The following TRMT9B variants were observed in gnomAD, a reference collection of about 807,000 sequenced individuals.
The protein encoded by TRMT9B is tRNA methyltransferase 9B (putative), also known as probable tRNA methyltransferase 9B.
In TRMT9B, 16 loss-of-function variants were observed where a neutral mutation model predicts 11.5. The observed-to-expected ratio is 1.39, with a 90% CI of 0.94 to 2.11. The LOEUF (loss-of-function observed/expected upper bound fraction) is 2.11. TRMT9B is among the 30% of genes most tolerant of loss of function. TRMT9B has a pLI of 0.00. For missense variants in TRMT9B, 941 were observed against 553.8 expected (o/e 1.70, Z -7.02); for synonymous variants, 274 against 192.4 (o/e 1.42, Z -3.51).
At chr8:12,990,792 A>G in intron 1 of TRMT9B, 42 bp from the exon 2 acceptor site, 1 of 1,245,250 alleles carries the variant, frequency 8.0e-7, no homozygotes, top group Non-Finnish European at 1.1e-6. Context: ...CCATATACAT[A>G]CCATGTGAAA....
intron 2 of TRMT9B, among the ~76,000 whole-genome samples, chr8:13,005,673 G>A (rs4557702): frequency 0.32 from 48,573 of 152,140 alleles, 8,437 homozygotes; most frequent in Middle Eastern, 0.52. Context: ...TGAATGGCAA[G>A]AGAACCGTTT....
intron 3 of TRMT9B, chr8:13,011,383 A>C: frequency 2.0e-6 from 2 of 985,326 alleles, no homozygotes; most frequent in Non-Finnish European, 2.4e-6. Context: ...GAAAGTGCCT[A>C]GTAAGGAGGG....
At chr8:12,955,543 G>T (rs1801186061) in intron 1 of TRMT9B, among the ~76,000 whole-genome samples, 1 of 152,144 alleles carries the variant, frequency 6.6e-6, no homozygotes, top group Non-Finnish European at 1.5e-5. Context: ...GGGTAGTCCT[G>T]CAAGGTGCAG....
intron 4 of TRMT9B, 114 bp downstream of exon 4, chr8:13,012,971 T>C: frequency 3.2e-6 from 4 of 1,265,958 alleles, no homozygotes; most frequent in South Asian, 2.4e-5. Context: ...TAATTTATTT[T>C]ATCTAATTTA....
At chr8:13,015,989 A>G (rs1409480858) in intron 4 of TRMT9B, among the ~76,000 whole-genome samples, 1 of 151,360 alleles carries the variant, frequency 6.6e-6, no homozygotes, top group Non-Finnish European at 1.5e-5. Context: ...GGGCACCTGA[A>G]TTCCCAGCTA....
intron 1 of TRMT9B, among the ~76,000 whole-genome samples, chr8:12,978,509 ATAGATAG>A (rs1272609739): frequency 8.6e-5 from 1 of 11,656 alleles, no homozygotes; most frequent in Non-Finnish European, 1.9e-4. Context: ...TAGACAGATG[ATAGATAG>A]ATGATAGATA....
rs34841222 is a variant in TRMT9B, at chr8:13,028,697, TC to T, written c.*6655del. ...TTTAAGCAATTCTCGTGCCTCAGCC[TC>T]CTGAATAGCTGGGATTACAGGAACA... On this transcript the variant is annotated 3_prime_UTR_variant, in exon 5 of 5. Transcript: ENST00000524591. The T allele has an allele frequency of 6.6e-6, 1 of 150,782 alleles. No individual in the cohort carries two copies. Among genetic ancestry groups the T allele is most frequent in the Non-Finnish European group, 1.5e-5 (1 of 67,618 alleles). 9.3% of individuals were successfully genotyped at this position (150,782 alleles called of 1,614,324 possible). A position where few individuals can be genotyped will look rare whatever the true frequency, so the allele number is the denominator to read the frequency against.
In TRMT9B at chr8:13,020,995, T is replaced by A. The variant is rs115406943; in HGVS notation, c.329-13T>A. 4.6e-6 allele frequency: 7 copies of A among 1,507,322 alleles called. No homozygotes were observed. Among genetic ancestry groups the A allele is most frequent in the Non-Finnish European group, 6.2e-6 (7 of 1,122,834 alleles). 93.4% of individuals were successfully genotyped at this position (1,507,322 alleles called of 1,614,324 possible). ...TGTGCATACACACTGAGATCTAGTT[T>A]TGTCTTTTTCAGTCATACATCATTT... On this transcript the variant is annotated splice_polypyrimidine_tract_variant and intron_variant, in intron 4 of 4. Coordinates refer to ENST00000524591, the MANE Select transcript of TRMT9B (RefSeq NM_020844.3).
At chr8:12,962,110 G>T (rs1802197732) in intron 1 of TRMT9B, 1 of 152,340 alleles carries the variant, frequency 6.6e-6, no homozygotes, top group Non-Finnish European at 1.5e-5. Context: ...ACATGGACTG[G>T]ATTCTCCATG....
intron 1 of TRMT9B, among the ~76,000 whole-genome samples, chr8:12,954,495 C>G (rs1051403162): frequency 2.6e-5 from 4 of 152,170 alleles, no homozygotes; most frequent in African/African-American, 9.7e-5. Flanking sequence ...TGTTTTTAAA[C>G]AGGAATTGAG....
Position 13,025,531 on chromosome 8 carries a change from CTT to C in TRMT9B, c.*3489_*3490del, listed in dbSNP as rs1814592648. On this transcript the variant is annotated 3_prime_UTR_variant, in exon 5 of 5. Transcript: ENST00000524591. ...AAACTCCATCTCCAACAAAACAAAA[CTT>C]TGCTGGCTTCCTGATGCCTCACTGT... 6.0e-6 allele frequency: 1 copy of C among 166,878 alleles called. No individual in the cohort carries two copies. The highest frequency in any genetic ancestry group is 1.5e-5 in the Non-Finnish European group (1 of 68,182). 10.3% of individuals were successfully genotyped at this position (166,878 alleles called of 1,614,324 possible).
At chr8:12,946,858 C>T (rs1407633961) in intron 1 of TRMT9B, among the ~76,000 whole-genome samples, 1 of 152,146 alleles carries the variant, frequency 6.6e-6, no homozygotes, top group African/African-American at 2.4e-5. Flanking sequence ...CCATCCTATT[C>T]CCAATGCCAG....
At chr8:13,001,921 C>A (rs943313618) in intron 2 of TRMT9B, among the ~76,000 whole-genome samples, 1 of 152,108 alleles carries the variant, frequency 6.6e-6, no homozygotes, top group African/African-American at 2.4e-5. Context: ...TGTTTTAGTA[C>A]TAGTCTTATT....
chr8:12,973,281 G>T lies in TRMT9B; in HGVS notation c.-199-17553G>T, dbSNP rs963396426. 3.9e-5 allele frequency among the ~76,000 whole-genome samples: 6 copies of T among 152,192 alleles called. No individual in the cohort carries two copies. In the South Asian group the frequency reaches 6.2e-4, roughly 16 times the overall value. ...GGAAGATTTTTTTTGGCATGCTCTG[G>T]GTGCCCCTTCCCTTGCCAGCACATG... On this transcript the variant is annotated intron_variant, in intron 1 of 4. Coordinates refer to ENST00000524591, the MANE Select transcript of TRMT9B (RefSeq NM_020844.3).
At chr8:12,952,505 A>G (rs4487769) in intron 1 of TRMT9B, 2,752 of 227,384 alleles carry the variant, frequency 0.012, 91 homozygotes, top group African/African-American at 0.061. Context: ...TGGATAAATC[A>G]GAATTCAGAG....
intron 1 of TRMT9B, chr8:12,951,395 G>A (rs1165046950): frequency 1.3e-5 from 2 of 152,358 alleles, no homozygotes; most frequent in East Asian, 3.9e-4. Context: ...CTGCGCTGAT[G>A]CGCTGCGGGC....
Position 13,021,447 on chromosome 8 carries a change from G to A in TRMT9B, c.768G>A (p.Leu256=). 1 of 1,614,002 alleles carries A rather than the reference G, an allele frequency of 6.2e-7. No individual in the cohort carries two copies. The highest frequency in any genetic ancestry group is 8.5e-7 in the Non-Finnish European group (1 of 1,179,900). The change falls in exon 5 of 5, where the codon TTG becomes TTA. Residue 256 remains leucine, a synonymous_variant. Coordinates refer to ENST00000524591, the MANE Select transcript of TRMT9B (RefSeq NM_020844.3). ...SFRSWFFSRS[L]DESTLRKQIE... ...GTTCCTGGTTTTTCTCCAGATCTTT[G>A]GATGAATCGACTCTGAGGAAGCAAA...
At chr8:12,968,144 C>G (rs796381449) in intron 1 of TRMT9B, among the ~76,000 whole-genome samples, 24 of 152,346 alleles carry the variant, frequency 1.6e-4, no homozygotes, top group African/African-American at 5.3e-4. Context: ...CTCGATCTCT[C>G]TAAGTGCTGG....
At chr8:13,010,738 G>C (rs1435002010) in intron 3 of TRMT9B, 5 of 984,098 alleles carry the variant, frequency 5.1e-6, no homozygotes, top group Non-Finnish European at 6.0e-6. Flanking sequence ...AGTATCCCTC[G>C]AGCCAATGAA....
Sources: gnomAD v4.1 joint callset for allele counts (sites outside exome capture counted in the v4.1 genomes callset) on GRCh38, gnomAD v4.1.1 for gene constraint, MANE v1.5 for transcripts, NCBI Gene and HGNC (gene_info 2026-07-23, HGNC 2026-07-21) for gene names.